SPOCK1: variants seen among roughly 807,000 people sequenced by gnomAD.
SPOCK1 encodes the protein testican-1.
A neutral mutation model predicts 55.3 loss-of-function variants in SPOCK1; 23 were observed. The ratio of observed to expected loss-of-function variants is 0.42; its 90% confidence interval spans 0.30 to 0.59. The LOEUF is 0.59. Ranked by LOEUF, SPOCK1 falls within the 20% of genes least tolerant of loss-of-function variation. SPOCK1 has a pLI of 0.22. For synonymous variants in SPOCK1, 226 were observed against 221.0 expected (o/e 1.02, Z -0.20); for missense variants, 499 against 552.5 (o/e 0.90, Z 0.97).
At chr5:137,125,285 G>A (rs747765475) in intron 4 of SPOCK1, among the ~76,000 whole-genome samples, 5 of 152,176 alleles carry the variant, frequency 3.3e-5, no homozygotes, top group East Asian at 1.9e-4. Context: ...AGTCATGCCC[G>A]CCTATGGCTG....
intron 2 of SPOCK1, among the ~76,000 whole-genome samples, chr5:137,485,678 T>C (rs146465367): frequency 0.013 from 1,932 of 151,856 alleles, 16 homozygotes; most frequent in Middle Eastern, 0.065. Flanking sequence ...ATATAACAGG[T>C]AAATAAATTG....
chr5:137,481,410 T>C (rs1753947992), intron 2 of SPOCK1, among the ~76,000 whole-genome samples: 1 of 152,220 alleles, frequency 6.6e-6, no homozygotes, highest in Non-Finnish European at 1.5e-5. Context: ...TAAGACAGTC[T>C]AGCATCTCTC....
chr5:137,426,933 A>G (rs565647849), intron 2 of SPOCK1, among the ~76,000 whole-genome samples: 7 of 152,208 alleles, frequency 4.6e-5, no homozygotes, highest in South Asian at 2.1e-4. Context: ...AACCATTCAC[A>G]TTCTCCTTCC....
rs1485153443 is a variant in SPOCK1, at chr5:137,309,091, A to C, written c.187-42036T>G. Among the ~76,000 whole-genome samples the C allele has an allele frequency of 2.0e-5, 3 of 152,156 alleles. No individual in the cohort carries two copies. The South Asian group carries it at 6.2e-4, about 32-fold the overall frequency. On this transcript the variant is annotated intron_variant, in intron 2 of 10. Coordinates refer to ENST00000394945, the MANE Select transcript of SPOCK1 (RefSeq NM_004598.4). Reference sequence around the variant, plus strand: ...AATGAGTAGGAATTGCTTTAATATCAGAACAAAAAAAAATTTCCCATTGCA... The same window carrying C: ...AATGAGTAGGAATTGCTTTAATATCCGAACAAAAAAAAATTTCCCATTGCA...
intron 6 of SPOCK1, among the ~76,000 whole-genome samples, chr5:137,033,756 A>T (rs1751828090): frequency 6.6e-6 from 1 of 152,122 alleles, no homozygotes; most frequent in Non-Finnish European, 1.5e-5. Flanking sequence ...CTATGTTGTT[A>T]TTAATTTTCA....
At chr5:137,124,979 C>T (rs1753759981) in intron 4 of SPOCK1, among the ~76,000 whole-genome samples, 1 of 152,178 alleles carries the variant, frequency 6.6e-6, no homozygotes, top group South Asian at 2.1e-4. Context: ...TGGGGAGTTT[C>T]ATAGACACAT....
chr5:137,436,060 G>A (rs1752857960), intron 2 of SPOCK1, among the ~76,000 whole-genome samples: 1 of 152,098 alleles, frequency 6.6e-6, no homozygotes, highest in African/African-American at 2.4e-5. Context: ...AGGAGGCTGA[G>A]GCAGGGAAAA....
intron 2 of SPOCK1, among the ~76,000 whole-genome samples, chr5:137,475,181 G>A (rs988841808): frequency 2.6e-5 from 4 of 152,162 alleles, no homozygotes; most frequent in Middle Eastern, 3.2e-3. Context: ...CTGGCAAAGT[G>A]TCTGATCAGA....
intron 5 of SPOCK1, among the ~76,000 whole-genome samples, chr5:137,078,005 GGA>G (rs1190676244): frequency 2.0e-5 from 3 of 151,908 alleles, no homozygotes; most frequent in Admixed American, 1.3e-4. Context: ...AATGAAAGAA[GGA>G]GAGAGCAAGA....
intron 2 of SPOCK1, among the ~76,000 whole-genome samples, chr5:137,386,334 C>T (rs1751598603): frequency 6.6e-6 from 1 of 152,196 alleles, no homozygotes; most frequent in Non-Finnish European, 1.5e-5. Flanking sequence ...CCTAATCAAA[C>T]TCCCACAGGT....
At chr5:137,290,984 CTCTTT>C (rs556704026) in intron 2 of SPOCK1, among the ~76,000 whole-genome samples, 420 of 152,306 alleles carry the variant, frequency 2.8e-3, no homozygotes, top group Non-Finnish European at 4.8e-3. Flanking sequence ...TCATTACTCT[CTCTTT>C]TATTTTTCAA....
intron 2 of SPOCK1, among the ~76,000 whole-genome samples, chr5:137,469,316 C>G (rs1489225663): frequency 2.0e-5 from 3 of 152,168 alleles, no homozygotes; most frequent in Non-Finnish European, 4.4e-5. Flanking sequence ...CCAGAACCCG[C>G]CAGGAACAAC....
At chr5:137,153,485 A>C (rs1450629273) in intron 3 of SPOCK1, among the ~76,000 whole-genome samples, 1 of 152,216 alleles carries the variant, frequency 6.6e-6, no homozygotes, top group Non-Finnish European at 1.5e-5. Context: ...GAATTTAGAG[A>C]TGCTTAAGAC....
At chr5:137,375,987 A>G in intron 2 of SPOCK1, among the ~76,000 whole-genome samples, 1 of 152,202 alleles carries the variant, frequency 6.6e-6, no homozygotes, top group East Asian at 1.9e-4. Flanking sequence ...CCTTTTAAGA[A>G]GGCACCATGA....
rs202164199 is a variant in SPOCK1 at position 137,354,900 on chromosome 5, T to TTG, written c.187-87847_187-87846dup. Among the ~76,000 whole-genome samples, 514 of 151,196 alleles carry TTG rather than the reference T, an allele frequency of 3.4e-3. 3 individuals carry two copies. The highest frequency in any genetic ancestry group is 0.012 in the African/African-American group (479 of 40,960). On this transcript the variant is annotated intron_variant, in intron 2 of 10. Transcript: ENST00000394945. ...TTAGGTAAGTGACTCACTCTAAGTTTTGTTTTTTTTTGTTTTTTGAAAAGG... is the reference window on the plus strand; with the variant it reads ...TTAGGTAAGTGACTCACTCTAAGTTTTGTGTTTTTTTTTGTTTTTTGAAAAGG...
rs1165318515 is a variant in SPOCK1 at position 137,145,794 on chromosome 5, A to G, written c.233-5100T>C. On this transcript the variant is annotated intron_variant, in intron 3 of 10. Coordinates refer to ENST00000394945, the MANE Select transcript of SPOCK1 (RefSeq NM_004598.4). The stretch of plus-strand genomic sequence containing the variant: ...GACAGACTGACATCTATGGAAAAGT[A>G]GGTTTAAACCAGATAATAGGATGAG... Among the ~76,000 whole-genome samples, 3 of 152,322 alleles carry G rather than the reference A, an allele frequency of 2.0e-5. No homozygotes were observed. The South Asian group carries it at 6.2e-4, about 32-fold the overall frequency.
intron 2 of SPOCK1, among the ~76,000 whole-genome samples, chr5:137,407,133 T>C (rs1171792101): frequency 1.3e-5 from 2 of 152,212 alleles, no homozygotes; most frequent in Non-Finnish European, 2.9e-5. Context: ...CAGTGAAATA[T>C]GTACTGCAGC....
intron 2 of SPOCK1, among the ~76,000 whole-genome samples, chr5:137,418,543 C>T (rs929535120): frequency 6.6e-6 from 1 of 152,158 alleles, no homozygotes; most frequent in Non-Finnish European, 1.5e-5. Flanking sequence ...ATTTGCATTT[C>T]TCTGATGGCC....
At chr5:137,122,147 G>C (rs2905968) in intron 4 of SPOCK1, among the ~76,000 whole-genome samples, 29,927 of 151,598 alleles carry the variant, frequency 0.2, 3,141 homozygotes, top group Middle Eastern at 0.29. Flanking sequence ...GTAACACTAA[G>C]GGTATCTGTG....
Sources: gnomAD v4.1 joint callset for allele counts (sites outside exome capture counted in the v4.1 genomes callset) on GRCh38, gnomAD v4.1.1 for gene constraint, MANE v1.5 for transcripts, NCBI Gene and HGNC (gene_info 2026-07-23, HGNC 2026-07-21) for gene names.